MACROD2: variants seen among roughly 807,000 people sequenced by gnomAD.
MACROD2 encodes the protein ADP-ribose glycohydrolase MACROD2.
Under a neutral mutation model 70.4 loss-of-function variants are expected in MACROD2, and 36 were observed. The observed-to-expected ratio is 0.51, with a 90% confidence interval of 0.39 to 0.68. MACROD2 has a LOEUF of 0.68. MACROD2 is among the 30% of genes least tolerant of loss of function. The probability of loss-of-function intolerance (pLI) is 0.00; values close to 1 mark genes in which losing one functional copy is unlikely to be tolerated. For missense variants in MACROD2, 496 were observed against 538.4 expected (o/e 0.92, Z 0.78); for synonymous variants, 172 against 178.8 (o/e 0.96, Z 0.30).
chr20:14,235,035 C>T (rs908345328), intron 3 of MACROD2, among the ~76,000 whole-genome samples: 2 of 152,066 alleles, frequency 1.3e-5, no homozygotes, highest in Admixed American at 6.5e-5. Flanking sequence ...GAGGCCCACA[C>T]TGTTTCTGTC....
chr20:14,808,654 G>A (rs2072669884), intron 5 of MACROD2, among the ~76,000 whole-genome samples: 1 of 151,694 alleles, frequency 6.6e-6, no homozygotes, highest in Non-Finnish European at 1.5e-5. Context: ...TGGATAAAGA[G>A]TCAAGACCCA....
chr20:15,836,294 A>G (rs1422204556), intron 8 of MACROD2, among the ~76,000 whole-genome samples: 1 of 152,188 alleles, frequency 6.6e-6, no homozygotes, highest in Non-Finnish European at 1.5e-5. Flanking sequence ...AAAGTTGGAA[A>G]GTATTTGTGG....
intron 7 of MACROD2, among the ~76,000 whole-genome samples, chr20:15,491,299 T>G (rs1261663978): frequency 6.6e-6 from 1 of 152,158 alleles, no homozygotes; most frequent in African/African-American, 2.4e-5. Context: ...TTATAGAACA[T>G]TTCTCTACTG....
intron 4 of MACROD2, among the ~76,000 whole-genome samples, chr20:14,522,554 C>T (rs1048483377): frequency 6.6e-6 from 1 of 152,208 alleles, no homozygotes; most frequent in African/African-American, 2.4e-5. Context: ...GTGTCAGAGG[C>T]CTTTGGCCTG....
At chr20:15,939,739 T>C (rs1447898542) in intron 12 of MACROD2, among the ~76,000 whole-genome samples, 1 of 152,004 alleles carries the variant, frequency 6.6e-6, no homozygotes, top group African/African-American at 2.4e-5. Context: ...CATCCTGTAA[T>C]GAAGCTGGGC....
At chr20:15,571,819 A>G (rs1376924422) in intron 8 of MACROD2, among the ~76,000 whole-genome samples, 3 of 152,128 alleles carry the variant, frequency 2.0e-5, no homozygotes, top group Non-Finnish European at 4.4e-5. Context: ...GGGAAATACG[A>G]TGCTTTACTT....
intron 10 of MACROD2, among the ~76,000 whole-genome samples, chr20:15,924,983 G>A (rs1202815651): frequency 6.6e-6 from 1 of 152,176 alleles, no homozygotes; most frequent in Non-Finnish European, 1.5e-5. Flanking sequence ...AAATGCAGTT[G>A]CTGTTTTATC....
rs749759778 is a variant in MACROD2, at chr20:14,948,221, G to A, written c.418+263262G>A. 7.2e-5 allele frequency among the ~76,000 whole-genome samples: 11 copies of A among 152,152 alleles called. 1 individual carries two copies. Among genetic ancestry groups the A allele is most frequent in the Non-Finnish European group, 1.5e-4 (10 of 68,030 alleles). ...TCCTCTTCCCTGGATTTTGTCAGAG[G>A]AGGGTTTTGGGTAAGCTAAGCAGGC... On this transcript the variant is annotated intron_variant, in intron 5 of 17. Transcript: ENST00000684519.
intron 6 of MACROD2, among the ~76,000 whole-genome samples, chr20:15,390,445 A>G (rs1298940802): frequency 6.6e-6 from 1 of 151,996 alleles, no homozygotes; most frequent in Non-Finnish European, 1.5e-5. Context: ...TTTTTCTCTC[A>G]CCACTAGAAT....
chr20:15,142,482 T>A (rs2076198851), intron 5 of MACROD2, among the ~76,000 whole-genome samples: 1 of 149,630 alleles, frequency 6.7e-6, no homozygotes, highest in Admixed American at 6.6e-5. Context: ...TTCATAGGCA[T>A]TTTTTTGTTA....
At chr20:14,543,101 A>G (rs938730406) in intron 4 of MACROD2, among the ~76,000 whole-genome samples, 4 of 152,106 alleles carry the variant, frequency 2.6e-5, no homozygotes, top group Admixed American at 6.6e-5. Context: ...GTCCTATACA[A>G]TGATCACCCC....
intron 3 of MACROD2, among the ~76,000 whole-genome samples, chr20:14,215,378 A>ACACC (rs1296250299): frequency 1.3e-5 from 2 of 149,216 alleles, no homozygotes; most frequent in Non-Finnish European, 3.0e-5. Context: ...ACACACACAC[A>ACACC]CACCACAGTT....
chr20:15,846,234 T>G (rs892724165), intron 8 of MACROD2, among the ~76,000 whole-genome samples: 5 of 152,176 alleles, frequency 3.3e-5, no homozygotes, highest in Non-Finnish European at 7.4e-5. Context: ...TGAACTGGAG[T>G]GTGGAAGGGT....
intron 8 of MACROD2, among the ~76,000 whole-genome samples, chr20:15,771,658 A>T (rs888433396): frequency 4.6e-5 from 7 of 152,070 alleles, no homozygotes; most frequent in African/African-American, 1.4e-4. Flanking sequence ...CATGTATGTA[A>T]TATATATGTC....
At chr20:14,520,778 A>G (rs924781118) in intron 4 of MACROD2, among the ~76,000 whole-genome samples, 16 of 152,172 alleles carry the variant, frequency 1.1e-4, no homozygotes, top group African/African-American at 3.9e-4. Flanking sequence ...ACCTGTAATG[A>G]TAGGCTTTTA....
At chr20:15,772,092 AAAAAAAAAAAT>A (rs1448492581) in intron 8 of MACROD2, among the ~76,000 whole-genome samples, 1 of 95,270 alleles carries the variant, frequency 1.0e-5, no homozygotes, top group African/African-American at 5.4e-5. Flanking sequence ...CTCAAAAAAA[AAAAAAAAAAAT>A]ATATATATAT....
intron 15 of MACROD2, among the ~76,000 whole-genome samples, chr20:15,999,714 T>G (rs2066682781): frequency 6.6e-6 from 1 of 152,248 alleles, no homozygotes; most frequent in Non-Finnish European, 1.5e-5. Flanking sequence ...TCCTTTATTA[T>G]TACAATGACC....
intron 5 of MACROD2, among the ~76,000 whole-genome samples, chr20:15,020,563 T>C (rs1192240969): frequency 2.6e-5 from 4 of 152,086 alleles, no homozygotes; most frequent in East Asian, 1.9e-4. Flanking sequence ...AATAGAGATA[T>C]GTCCTGAGAA....
At chr20:14,230,058 A>G (rs1475402864) in intron 3 of MACROD2, among the ~76,000 whole-genome samples, 1 of 152,218 alleles carries the variant, frequency 6.6e-6, no homozygotes, top group Admixed American at 6.5e-5. Flanking sequence ...TAATTGCTAA[A>G]TATTGCTAAT....
Sources: allele counts gnomAD v4.1 joint callset (sites outside exome capture counted in the v4.1 genomes callset), GRCh38; gene constraint gnomAD v4.1.1; transcripts MANE v1.5; gene names NCBI Gene and HGNC (gene_info 2026-07-23, HGNC 2026-07-21).